PALD1: variants seen among roughly 807,000 people sequenced by gnomAD.
The protein encoded by PALD1 is phosphatase domain containing paladin 1, also known as paladin.
Under a neutral mutation model 96.0 loss-of-function variants are expected in PALD1, and 57 were observed. That is an observed-to-expected ratio of 0.59 (90% CI 0.48 to 0.74). The LOEUF is 0.74. Ranked by LOEUF, PALD1 falls within the 30% of genes least tolerant of loss-of-function variation. The pLI is 0.00. For synonymous variants in PALD1, 464 were observed against 473.6 expected (o/e 0.98, Z 0.26); for missense variants, 1,063 against 1,143.7 (o/e 0.93, Z 1.02).
chr10:70,537,846 G>A lies in PALD1; in HGVS notation c.1263G>A (p.Ala421=), dbSNP rs768086361. ...GCCGACACAGCGTCTGGCAGAGGGC[G>A]CTGTGGAGCCTGGAGCGATACTTCT... is the stretch of plus-strand genomic sequence containing the variant. ...SGSRHSVWQR[A]LWSLERYFYL... is the part of the protein sequence containing the mutation. Residue 421 remains alanine (A), a synonymous_variant, in exon 11 of 20, where the codon GCG becomes GCA. Transcript: ENST00000263563. The A allele has an allele frequency of 1.7e-5, 27 of 1,613,646 alleles. No homozygotes were observed. The Admixed American group carries it at 3.0e-4, about 18-fold the overall frequency.
intron 19 of PALD1, among the ~76,000 whole-genome samples, chr10:70,566,143 G>T (rs1847845378): frequency 6.6e-6 from 1 of 152,188 alleles, no homozygotes; most frequent in African/African-American, 2.4e-5. Context: ...GGTCTGGGCT[G>T]CTGGGCGGCA....
At chr10:70,558,508 C>G (rs1010014544) in intron 18 of PALD1, among the ~76,000 whole-genome samples, 6 of 152,140 alleles carry the variant, frequency 3.9e-5, no homozygotes, top group African/African-American at 9.7e-5. Context: ...GGCAAAAGCT[C>G]CCGTCCTCAT....
At chr10:70,487,431 C>A (rs1846031784) in intron 1 of PALD1, among the ~76,000 whole-genome samples, 1 of 152,022 alleles carries the variant, frequency 6.6e-6, no homozygotes, top group Admixed American at 6.6e-5. Flanking sequence ...CCGCACCTGG[C>A]TGTGCCCAAT....
chr10:70,499,786 T>C (rs1381732312), intron 1 of PALD1, among the ~76,000 whole-genome samples: 3 of 152,198 alleles, frequency 2.0e-5, no homozygotes, highest in African/African-American at 7.2e-5. Flanking sequence ...GGTGTGAGCC[T>C]AGGCATTCAG....
At chr10:70,498,240 G>A (rs1231983836) in intron 1 of PALD1, among the ~76,000 whole-genome samples, 5 of 152,134 alleles carry the variant, frequency 3.3e-5, no homozygotes, top group Non-Finnish European at 7.4e-5. Flanking sequence ...ATTGTAGCAT[G>A]TGTCAGAATT....
At chr10:70,486,892 A>AGGCTCCAGCAG in intron 1 of PALD1, among the ~76,000 whole-genome samples, 1 of 152,112 alleles carries the variant, frequency 6.6e-6, no homozygotes, top group Non-Finnish European at 1.5e-5. Context: ...CTGGAGCACA[A>AGGCTCCAGCAG]GGACTTCTGG....
chr10:70,533,010 C>T lies in PALD1; in HGVS notation c.810C>T (p.Pro270=), dbSNP rs778373146. 4.4e-5 allele frequency: 69 copies of T among 1,582,254 alleles called. No individual in the cohort carries two copies. Among genetic ancestry groups the T allele is most frequent in the Non-Finnish European group, 5.8e-5 (68 of 1,164,038 alleles). ...LQPTYRYHRL[P]LPEQGSPLEA... ...CACCTGGCAGGTACCACCGCCTGCC[C>T]CTGCCCGAGCAAGGGAGTCCCCTGG... Residue 270 remains proline (P), a synonymous_variant, in exon 7 of 20, where the codon CCC becomes CCT. Transcript: ENST00000263563.
the PALD1 span, among the ~76,000 whole-genome samples, chr10:70,464,503 C>T: frequency 3.0e-3 from 459 of 152,034 alleles, 4 homozygotes; most frequent in African/African-American, 8.5e-3. Context: ...CATGAGCCAC[C>T]GCACCCGGCC....
At chr10:70,497,253 C>A (rs1846209676) in intron 1 of PALD1, among the ~76,000 whole-genome samples, 1 of 152,264 alleles carries the variant, frequency 6.6e-6, no homozygotes, top group Non-Finnish European at 1.5e-5. Context: ...GGATGGTGCA[C>A]ATACGTGGAT....
At chr10:70,547,471 CACCCT>C in intron 18 of PALD1, 25 bp downstream of exon 18, 2 of 1,478,596 alleles carry the variant, frequency 1.4e-6, no homozygotes, top group Non-Finnish European at 1.8e-6. Context: ...CACCCCACCC[CACCCT>C]GCCCCAGCCA....
intron 1 of PALD1, among the ~76,000 whole-genome samples, chr10:70,497,850 T>C (rs561074433): frequency 1.5e-4 from 23 of 152,298 alleles, no homozygotes; most frequent in Middle Eastern, 3.4e-3. Context: ...GCTGGGATTA[T>C]AGGCGGGAGC....
At chr10:70,534,359 C>T in intron 8 of PALD1, 66 bp from the exon 9 acceptor site, 1 of 1,104,080 alleles carries the variant, frequency 9.1e-7, no homozygotes. Context: ...TGAGTGGAGA[C>T]AGCAGGCGGG....
chr10:70,465,401 G>A, the PALD1 span, among the ~76,000 whole-genome samples: 1 of 152,208 alleles, frequency 6.6e-6, no homozygotes, highest in South Asian at 2.1e-4. Flanking sequence ...CAGGCAGTTA[G>A]TGGCTGACAG....
chr10:70,519,617 C>T (rs1333174566), intron 1 of PALD1, among the ~76,000 whole-genome samples: 1 of 150,570 alleles, frequency 6.6e-6, no homozygotes, highest in Non-Finnish European at 1.5e-5. Context: ...CTCTGTCGCC[C>T]AGGCTAGAGT....
intron 7 of PALD1, among the ~76,000 whole-genome samples, chr10:70,533,622 C>T (rs1847043979): frequency 6.6e-6 from 1 of 152,242 alleles, no homozygotes; most frequent in Non-Finnish European, 1.5e-5. Flanking sequence ...AGTTTCTCTC[C>T]AGCCCCCTTC....
At chr10:70,503,348 A>C (rs778759242) in intron 1 of PALD1, among the ~76,000 whole-genome samples, 3 of 152,192 alleles carry the variant, frequency 2.0e-5, no homozygotes, top group Non-Finnish European at 4.4e-5. Context: ...TGAATGACAG[A>C]TAATAGGCCG....
the PALD1 span, among the ~76,000 whole-genome samples, chr10:70,464,976 T>TGTAC: frequency 6.8e-6 from 1 of 146,716 alleles, no homozygotes; most frequent in African/African-American, 2.7e-5. Context: ...TATGTATGTA[T>TGTAC]GTATGTATGT....
chr10:70,556,880 C>T (rs1236187446), intron 18 of PALD1, among the ~76,000 whole-genome samples: 1 of 152,130 alleles, frequency 6.6e-6, no homozygotes, highest in Admixed American at 6.5e-5. Flanking sequence ...GTGGTTGTTA[C>T]CAGAGGTCCT....
At chr10:70,532,284 G>A (rs1847008508) in intron 5 of PALD1, among the ~76,000 whole-genome samples, 1 of 152,202 alleles carries the variant, frequency 6.6e-6, no homozygotes, top group Non-Finnish European at 1.5e-5. Context: ...CCAGCTCTTT[G>A]CCTCTCCCAT....
Sources: gnomAD v4.1 joint callset for allele counts (sites outside exome capture counted in the v4.1 genomes callset) on GRCh38, gnomAD v4.1.1 for gene constraint, MANE v1.5 for transcripts, NCBI Gene and HGNC (gene_info 2026-07-23, HGNC 2026-07-21) for gene names.